Variants in ATP5MJ observed in about 807,000 individuals in gnomAD.
ATP5MJ encodes ATP synthase membrane subunit j, also known as ATP synthase F(0) complex subunit j, mitochondrial.
In ATP5MJ, 4 loss-of-function variants were observed where a neutral mutation model predicts 8.3. The observed-to-expected ratio is 0.48, with a 90% CI of 0.24 to 1.11. ATP5MJ has a LOEUF of 1.11. Ranked by LOEUF, ATP5MJ falls within the 50% of genes least tolerant of loss-of-function variation. The probability of loss-of-function intolerance (pLI) is 0.18; values close to 1 mark genes in which losing one functional copy is unlikely to be tolerated. For synonymous variants in ATP5MJ, 23 were observed against 21.3 expected (o/e 1.08, Z -0.23); for missense variants, 66 against 71.8 (o/e 0.92, Z 0.29).
chr14:103,913,064 C>T, intron 3 of ATP5MJ: 1 of 197,414 alleles, frequency 5.1e-6, no homozygotes. Context: ...GGCGCAGTGG[C>T]TCACGCCTGT....
At chr14:103,914,104 A>C in intron 2 of ATP5MJ, 120 bp from the exon 3 acceptor site, 1 of 878,656 alleles carries the variant, frequency 1.1e-6, no homozygotes, top group Non-Finnish European at 1.7e-6. Context: ...GGAAGCTTTC[A>C]GAAAATGTCT....
chr14:103,917,639 G>A (rs1268112556), intron 1 of ATP5MJ, among the ~76,000 whole-genome samples: 5 of 152,168 alleles, frequency 3.3e-5, no homozygotes, highest in African/African-American at 1.2e-4. Context: ...CACCAACAGG[G>A]CACCGAACCA....
chr14:103,918,017 G>A (rs1017553064), intron 1 of ATP5MJ: 2 of 152,162 alleles, frequency 1.3e-5, no homozygotes, highest in Non-Finnish European at 2.9e-5. Context: ...TGCAGGATGC[G>A]ACTGTGTCCT....
At chr14:103,914,604 C>A (rs888118382) in intron 2 of ATP5MJ, 1 of 638,178 alleles carries the variant, frequency 1.6e-6, no homozygotes, top group South Asian at 1.8e-5. Flanking sequence ...AGTTCAAGAC[C>A]AGCCTGGGTA....
chr14:103,921,158 G>A, intron 1 of ATP5MJ: 1 of 850,636 alleles, frequency 1.2e-6, no homozygotes, highest in Non-Finnish European at 1.9e-6. Flanking sequence ...CTCTAACTCT[G>A]CGTAGCCTCT....
At chr14:103,916,383 A>AC in intron 1 of ATP5MJ, among the ~76,000 whole-genome samples, 1 of 152,346 alleles carries the variant, frequency 6.6e-6, no homozygotes. Context: ...GGTCCATTAA[A>AC]CTACAGTCAA....
Position 103,914,002 on chromosome 14 carries a change from A to G in ATP5MJ, c.125-18T>C, listed in dbSNP as rs767646086. 2.5e-6 allele frequency: 4 copies of G among 1,596,174 alleles called. No homozygotes were observed. The highest frequency in any genetic ancestry group is 3.4e-6 in the Non-Finnish European group (4 of 1,170,788). On this transcript the variant is annotated intron_variant, in intron 2 of 3. Coordinates refer to ENST00000286953, the MANE Select transcript of ATP5MJ (RefSeq NM_004894.3). Reference sequence around the variant, plus strand: ...TCTTTTATCTAAAATAAAAGGAAGGAAAAAAAAGCAGTCATATCAATGCTT... The same window carrying G: ...TCTTTTATCTAAAATAAAAGGAAGGGAAAAAAAGCAGTCATATCAATGCTT...
rs1340199995 is a variant in ATP5MJ at position 103,915,100 on chromosome 14, C to A, written c.90G>T (p.Leu30=). The A allele has an allele frequency of 6.2e-7, 1 of 1,614,112 alleles. No individual in the cohort carries two copies. ...GGATTTTATAAACGATGAAGCCCAT[C>A]AGCCCCATTCCTATCCAAATCTCCT... ...VYQEIWIGMG[L]MGFIVYKIRA... Residue 30 remains leucine (L), a synonymous_variant, in exon 2 of 4, where the codon CTG becomes CTT. Transcript: ENST00000286953.
intron 1 of ATP5MJ, among the ~76,000 whole-genome samples, chr14:103,918,784 G>A (rs541106160): frequency 2.0e-5 from 3 of 152,152 alleles, no homozygotes; most frequent in Admixed American, 1.3e-4. Flanking sequence ...GCACTTTGGG[G>A]GTCCAAGGCA....
intron 2 of ATP5MJ, 175 bp downstream of exon 2, chr14:103,914,891 C>T: frequency 1.7e-6 from 1 of 595,656 alleles, no homozygotes; most frequent in Non-Finnish European, 2.6e-6. Flanking sequence ...CCCCACTGTC[C>T]CCAAATGTCT....
intron 1 of ATP5MJ, among the ~76,000 whole-genome samples, chr14:103,918,879 G>C (rs150133404): frequency 6.6e-6 from 1 of 151,990 alleles, no homozygotes; most frequent in South Asian, 2.1e-4. Context: ...AAAATTAGCC[G>C]GGCGTGGTGG....
At chr14:103,921,023 G>A (rs1448400000) in intron 1 of ATP5MJ, 3 of 1,551,678 alleles carry the variant, frequency 1.9e-6, no homozygotes, top group Middle Eastern at 3.3e-4. Flanking sequence ...CAGCTTCCCT[G>A]TTGCCTCACC....
At chr14:103,921,048 C>T (rs897330320) in intron 1 of ATP5MJ, 15 of 1,551,346 alleles carry the variant, frequency 9.7e-6, no homozygotes, top group Non-Finnish European at 1.2e-5. Context: ...TTGTCATGTA[C>T]AGCATAACGT....
intron 1 of ATP5MJ, among the ~76,000 whole-genome samples, chr14:103,915,666 T>TTA (rs1342235474): frequency 1.3e-5 from 2 of 150,218 alleles, no homozygotes; most frequent in African/African-American, 4.9e-5. Context: ...TTTTTTTTTT[T>TTA]AAAGCAGAGA....
chr14:103,915,165 T>C lies in ATP5MJ; in HGVS notation c.25A>G (p.Ile9Val), dbSNP rs1053419. ...TAGTAGGGCTTCATGGGGATCCATATGTTTTTAATAATACTTTGAAGCATC... is the reference window on the plus strand; with the variant it reads ...TAGTAGGGCTTCATGGGGATCCATACGTTTTTAATAATACTTTGAAGCATC... MLQSIIKN[I>V]WIPMKPYYTK... is the part of the protein sequence containing the mutation. The change falls in exon 2 of 4, where the codon ATA becomes GTA. Residue 9 changes from isoleucine to valine, a missense_variant. Coordinates refer to ENST00000286953, the MANE Select transcript of ATP5MJ (RefSeq NM_004894.3). 0.1 allele frequency: 163,014 copies of C among 1,613,188 alleles called. 12,446 individuals are homozygous for C. The highest frequency in any genetic ancestry group is 0.4 in the African/African-American group (30,116 of 74,886).
At chr14:103,920,692 G>A (rs1249006250) in intron 1 of ATP5MJ, among the ~76,000 whole-genome samples, 1 of 150,770 alleles carries the variant, frequency 6.6e-6, no homozygotes, top group Non-Finnish European at 1.5e-5. Context: ...GGATGGTCTC[G>A]ATCTCTTGAC....
intron 3 of ATP5MJ, 91 bp downstream of exon 3, chr14:103,913,870 C>T (rs755419714): frequency 5.5e-6 from 8 of 1,455,776 alleles, no homozygotes; most frequent in East Asian, 4.5e-5. Flanking sequence ...AACTGTGTTT[C>T]GATTTCAATT....
intron 1 of ATP5MJ, among the ~76,000 whole-genome samples, chr14:103,917,487 T>C (rs2087634618): frequency 6.6e-6 from 1 of 152,196 alleles, no homozygotes; most frequent in Non-Finnish European, 1.5e-5. Flanking sequence ...AGGGTTTTTT[T>C]GTTTCCCGTT....
At chr14:103,920,159 T>C (rs1441777567) in intron 1 of ATP5MJ, among the ~76,000 whole-genome samples, 1 of 142,968 alleles carries the variant, frequency 7.0e-6, no homozygotes, top group East Asian at 2.0e-4. Context: ...CAGTCTCGCT[T>C]TGTCACCCAG....
Sources: allele counts gnomAD v4.1 joint callset (sites outside exome capture counted in the v4.1 genomes callset), GRCh38; gene constraint gnomAD v4.1.1; transcripts MANE v1.5; gene names NCBI Gene and HGNC (gene_info 2026-07-23, HGNC 2026-07-21).